Variants in SV2C observed in about 807,000 individuals in gnomAD.
SV2C encodes the protein solute carrier family 22 member B3.
In SV2C, 49 loss-of-function variants were observed where a neutral mutation model predicts 79.7. The observed-to-expected ratio is 0.61, with a 90% CI of 0.49 to 0.78. The LOEUF is 0.78. Among genes scored for constraint, SV2C ranks in the 30% least tolerant of loss-of-function variants. SV2C has a pLI of 0.00. For synonymous variants in SV2C, 334 were observed against 333.2 expected (o/e 1.00, Z -0.03); for missense variants, 833 against 912.9 (o/e 0.91, Z 1.13).
chr5:75,899,052 T>C, the SV2C span, among the ~76,000 whole-genome samples: 180 of 152,322 alleles, frequency 1.2e-3, 2 homozygotes, highest in South Asian at 0.013. Flanking sequence ...GAAGGGTTTT[T>C]TGTGTCTCTA....
the SV2C span, among the ~76,000 whole-genome samples, chr5:75,897,305 C>G: frequency 6.6e-6 from 1 of 151,902 alleles, no homozygotes. Context: ...GTTTTCCCAG[C>G]ACCATTTATT....
chr5:75,912,130 T>G, the SV2C span, among the ~76,000 whole-genome samples: 1 of 152,210 alleles, frequency 6.6e-6, no homozygotes, highest in Non-Finnish European at 1.5e-5. Context: ...AGAATAAGAC[T>G]TTATACATTA....
At chr5:76,344,929 G>A (rs1180779610) in intron 12 of SV2C, among the ~76,000 whole-genome samples, 1 of 152,156 alleles carries the variant, frequency 6.6e-6, no homozygotes, top group Non-Finnish European at 1.5e-5. Flanking sequence ...GTCCCAAAAT[G>A]CACAGCTAGT....
At chr5:76,227,325 T>C (rs999481925) in intron 4 of SV2C, among the ~76,000 whole-genome samples, 2 of 152,138 alleles carry the variant, frequency 1.3e-5, no homozygotes, top group African/African-American at 4.8e-5. Flanking sequence ...AGCCAGGGTA[T>C]GGTTTCTGTC....
At chr5:76,187,360 T>C (rs1202292597) in intron 2 of SV2C, among the ~76,000 whole-genome samples, 1 of 152,180 alleles carries the variant, frequency 6.6e-6, no homozygotes, top group Non-Finnish European at 1.5e-5. Context: ...CCAGGTGAAC[T>C]TAGGTAACAA....
chr5:76,298,789 G>T lies in SV2C; in HGVS notation c.1503-5G>T. On this transcript the variant is annotated splice_region_variant and splice_polypyrimidine_tract_variant and intron_variant, in intron 9 of 12. Coordinates refer to ENST00000502798, the MANE Select transcript of SV2C (RefSeq NM_014979.4). ...TTGATATGAATTTTTCTGTGTGTTGGGCAGATTCATAGGGGTCAAGTTCAA... is the reference window on the plus strand; with the variant it reads ...TTGATATGAATTTTTCTGTGTGTTGTGCAGATTCATAGGGGTCAAGTTCAA... The T allele has an allele frequency of 6.2e-7, 1 of 1,613,070 alleles. No individual in the cohort carries two copies. The highest frequency in any genetic ancestry group is 8.5e-7 in the Non-Finnish European group (1 of 1,179,334).
intron 4 of SV2C, among the ~76,000 whole-genome samples, chr5:76,277,605 C>T (rs1290360550): frequency 6.6e-6 from 1 of 152,120 alleles, no homozygotes; most frequent in Non-Finnish European, 1.5e-5. Context: ...GAAACTCCGT[C>T]TCTACAAAAA....
intron 3 of SV2C, among the ~76,000 whole-genome samples, chr5:76,203,475 T>C (rs1235393877): frequency 6.6e-6 from 1 of 152,238 alleles, no homozygotes; most frequent in Non-Finnish European, 1.5e-5. Flanking sequence ...CACCTTTAGA[T>C]GCTATGGGAA....
chr5:76,267,155 C>T (rs572971970), intron 4 of SV2C, among the ~76,000 whole-genome samples: 2 of 152,324 alleles, frequency 1.3e-5, no homozygotes, highest in South Asian at 4.1e-4. Flanking sequence ...GAGGAAGAGA[C>T]TAGACAGCTC....
chr5:76,070,921 G>A, the SV2C span, among the ~76,000 whole-genome samples: 6 of 152,156 alleles, frequency 3.9e-5, no homozygotes, highest in South Asian at 4.1e-4. Context: ...GGAAGTCTTC[G>A]GAGATGAGTT....
At chr5:76,068,643 A>G in the SV2C span, among the ~76,000 whole-genome samples, 18 of 152,318 alleles carry the variant, frequency 1.2e-4, no homozygotes, top group South Asian at 3.7e-3. Context: ...GATCTAAAAA[A>G]AGTTGAAGAA....
rs925348568 is a variant in SV2C, at chr5:76,131,746, A to G, written c.-5A>G. 15 of 1,590,666 alleles carry G rather than the reference A, an allele frequency of 9.4e-6. No individual in the cohort carries two copies. The highest frequency in any genetic ancestry group is 1.3e-5 in the Non-Finnish European group (15 of 1,166,104). ...ATCTTCTCATTGGCCATCAGTTGAG[A>G]TAAGATGGAAGACTCTTACAAGGAT... On this transcript the variant is annotated 5_prime_UTR_variant, in exon 2 of 13. Transcript: ENST00000502798.
intron 4 of SV2C, among the ~76,000 whole-genome samples, chr5:76,236,243 AAATC>A (rs1398765693): frequency 6.6e-6 from 1 of 152,036 alleles, no homozygotes; most frequent in African/African-American, 2.4e-5. Context: ...TCAATATTGA[AAATC>A]AAAGTAACAT....
intron 1 of SV2C, among the ~76,000 whole-genome samples, chr5:76,116,803 C>T (rs1265439873): frequency 6.6e-6 from 1 of 152,164 alleles, no homozygotes; most frequent in Non-Finnish European, 1.5e-5. Context: ...TTTTGATGCT[C>T]CTTGAGCATC....
chr5:75,855,786 C>T, the SV2C span, among the ~76,000 whole-genome samples: 1 of 152,094 alleles, frequency 6.6e-6, no homozygotes, highest in African/African-American at 2.4e-5. Flanking sequence ...AGCATTTATC[C>T]TTTGAATTAC....
chr5:76,004,274 C>T, the SV2C span, among the ~76,000 whole-genome samples: 1 of 152,158 alleles, frequency 6.6e-6, no homozygotes, highest in South Asian at 2.1e-4. Flanking sequence ...AAAATTCTTC[C>T]TTACATCAAA....
intron 12 of SV2C, among the ~76,000 whole-genome samples, chr5:76,307,713 C>T (rs923778290): frequency 6.6e-6 from 1 of 152,166 alleles, no homozygotes; most frequent in East Asian, 1.9e-4. Context: ...CTGTTCTTCA[C>T]TTTAGATAGT....
At chr5:76,131,326 G>T (rs949533004) in intron 1 of SV2C, among the ~76,000 whole-genome samples, 1 of 151,994 alleles carries the variant, frequency 6.6e-6, no homozygotes, top group East Asian at 1.9e-4. Flanking sequence ...AAAATGTGTT[G>T]GGCGTGCTTT....
the SV2C span, among the ~76,000 whole-genome samples, chr5:76,053,248 T>C: frequency 6.6e-6 from 1 of 152,210 alleles, no homozygotes; most frequent in South Asian, 2.1e-4. Context: ...AGCTCAGCAC[T>C]TCAGGTTACA....
Sources: allele counts gnomAD v4.1 joint callset (sites outside exome capture counted in the v4.1 genomes callset), GRCh38; gene constraint gnomAD v4.1.1; transcripts MANE v1.5; gene names NCBI Gene and HGNC (gene_info 2026-07-23, HGNC 2026-07-21).